RNF152: variants seen among roughly 807,000 people sequenced by gnomAD.
RNF152 encodes the protein ring finger protein 152.
In RNF152, 11 loss-of-function variants were observed where a neutral mutation model predicts 12.7. That is an observed-to-expected ratio of 0.86 (90% CI 0.54 to 1.43). RNF152 has a LOEUF of 1.43. Among genes scored for constraint, RNF152 ranks in the 40% most tolerant of loss-of-function variants. The pLI, the probability that RNF152 is intolerant of heterozygous loss-of-function variation, is 0.00. For missense variants in RNF152, 255 were observed against 274.8 expected (o/e 0.93, Z 0.51); for synonymous variants, 113 against 120.3 (o/e 0.94, Z 0.40).
At chr18:61,820,164 C>A (rs1909319651) in intron 1 of RNF152, among the ~76,000 whole-genome samples, 3 of 149,832 alleles carry the variant, frequency 2.0e-5, no homozygotes, top group South Asian at 2.1e-4. Context: ...CCCGTCTCTA[C>A]TAAAAATACA....
intron 1 of RNF152, among the ~76,000 whole-genome samples, chr18:61,860,372 A>G (rs1266870007): frequency 2.0e-5 from 3 of 152,234 alleles, no homozygotes; most frequent in African/African-American, 7.2e-5. Flanking sequence ...GCAGTCACGC[A>G]CCACATAACG....
intron 1 of RNF152, among the ~76,000 whole-genome samples, chr18:61,847,602 G>A (rs1910792427): frequency 6.6e-6 from 1 of 152,210 alleles, no homozygotes; most frequent in Admixed American, 6.5e-5. Flanking sequence ...ACACACCTCA[G>A]AGAAAGCAAG....
rs1287936871 is a variant in RNF152, at chr18:61,814,529, TCATTACA to T, written c.*1316_*1322del. The stretch of plus-strand genomic sequence containing the variant: ...ATCTTTCTTCATGAGCATCTATAGA[TCATTACA>T]CATTTAAGAACATTTGACAGTTTAT... On this transcript the variant is annotated 3_prime_UTR_variant, in exon 2 of 2. Transcript: ENST00000312828. The T allele has an allele frequency of 3.9e-5, 6 of 152,224 alleles. No individual in the cohort carries two copies. The highest frequency in any genetic ancestry group is 2.0e-4 in the Admixed American group (3 of 15,286). The allele number at this position is 152,224 out of a possible 1,614,324, so 9.4% of individuals were successfully genotyped here.
chr18:61,861,802 G>C (rs540103645), intron 1 of RNF152, among the ~76,000 whole-genome samples: 1 of 152,230 alleles, frequency 6.6e-6, no homozygotes, highest in East Asian at 1.9e-4. Context: ...CAGGCTCTTT[G>C]TAACAACCAG....
intron 1 of RNF152, among the ~76,000 whole-genome samples, chr18:61,842,464 T>A (rs1910496276): frequency 6.6e-6 from 1 of 152,226 alleles, no homozygotes; most frequent in African/African-American, 2.4e-5. Flanking sequence ...CCAAGCGAGT[T>A]GTCACAGGGG....
intron 1 of RNF152, among the ~76,000 whole-genome samples, chr18:61,841,215 T>A (rs1446413346): frequency 2.6e-5 from 4 of 152,210 alleles, no homozygotes; most frequent in African/African-American, 9.7e-5. Context: ...TGATTTCCAG[T>A]TTCCCATTAA....
At chr18:61,890,061 T>C (rs1216927594) in intron 1 of RNF152, among the ~76,000 whole-genome samples, 4 of 152,232 alleles carry the variant, frequency 2.6e-5, no homozygotes, top group Non-Finnish European at 4.4e-5. Flanking sequence ...TATCAACATA[T>C]TAGTAGTACA....
intron 1 of RNF152, among the ~76,000 whole-genome samples, chr18:61,879,448 C>G (rs904488931): frequency 1.3e-5 from 2 of 152,126 alleles, no homozygotes; most frequent in Non-Finnish European, 2.9e-5. Flanking sequence ...TTCCTGGAAT[C>G]AGTGCCCCAT....
At chr18:61,829,597 G>GGAGAGAGAGAGA (rs111850940) in intron 1 of RNF152, among the ~76,000 whole-genome samples, 1 of 142,196 alleles carries the variant, frequency 7.0e-6, no homozygotes, top group Non-Finnish European at 1.5e-5. Flanking sequence ...AGAGAGATAA[G>GGAGAGAGAGAGA]GAGAGAGAGA....
chr18:61,827,892 A>G (rs1305982868), intron 1 of RNF152, among the ~76,000 whole-genome samples: 1 of 152,234 alleles, frequency 6.6e-6, no homozygotes, highest in Non-Finnish European at 1.5e-5. Context: ...AGAAAAAAGT[A>G]CAAACCTTGA....
At chr18:61,873,536 T>G (rs1239820698) in intron 1 of RNF152, among the ~76,000 whole-genome samples, 1 of 152,174 alleles carries the variant, frequency 6.6e-6, no homozygotes. Flanking sequence ...GGTTTCACCA[T>G]GTTGGTCAGG....
At chr18:61,840,357 C>T (rs962435502) in intron 1 of RNF152, among the ~76,000 whole-genome samples, 1 of 152,186 alleles carries the variant, frequency 6.6e-6, no homozygotes, top group South Asian at 2.1e-4. Flanking sequence ...AGTAGGCAAG[C>T]CTCAACATCT....
intron 1 of RNF152, among the ~76,000 whole-genome samples, chr18:61,890,856 C>A (rs1337803427): frequency 6.6e-6 from 1 of 152,148 alleles, no homozygotes; most frequent in Non-Finnish European, 1.5e-5. Flanking sequence ...GCTAAAAAGA[C>A]TACAATGAAA....
At chr18:61,865,600 A>G (rs938752001) in intron 1 of RNF152, among the ~76,000 whole-genome samples, 1 of 152,180 alleles carries the variant, frequency 6.6e-6, no homozygotes, top group African/African-American at 2.4e-5. Context: ...TCCAAGTACT[A>G]GATAATCCCC....
intron 1 of RNF152, among the ~76,000 whole-genome samples, chr18:61,848,001 A>G (rs1910813509): frequency 6.6e-6 from 1 of 152,126 alleles, no homozygotes; most frequent in East Asian, 1.9e-4. Context: ...GATGCAGATC[A>G]TCTTCTAACA....
chr18:61,877,566 A>T (rs550906497), intron 1 of RNF152, among the ~76,000 whole-genome samples: 1 of 152,338 alleles, frequency 6.6e-6, no homozygotes, highest in South Asian at 2.1e-4. Context: ...CTGCCAGTAC[A>T]CTTGAGGTTT....
Position 61,812,131 on chromosome 18 carries a change from T to C in RNF152, c.*3721A>G, listed in dbSNP as rs1599252094. The C allele has an allele frequency of 6.6e-6, 1 of 152,184 alleles. No homozygotes were observed. Among genetic ancestry groups the C allele is most frequent in the Non-Finnish European group, 1.5e-5 (1 of 68,032 alleles). 9.4% of individuals were successfully genotyped at this position (152,184 alleles called of 1,614,324 possible). On this transcript the variant is annotated 3_prime_UTR_variant, in exon 2 of 2. Coordinates refer to ENST00000312828, the MANE Select transcript of RNF152 (RefSeq NM_173557.3). ...CTTGATGCTGGATCCCCAAGCGCTA[T>C]CACCCAGAACTGCATCGTTCAATAT...
chr18:61,853,496 T>C (rs771997808), intron 1 of RNF152, among the ~76,000 whole-genome samples: 1 of 152,124 alleles, frequency 6.6e-6, no homozygotes, highest in Non-Finnish European at 1.5e-5. Flanking sequence ...TTCACCATGT[T>C]GGCCAGACTG....
In RNF152 at chr18:61,814,214, A is replaced by G. The variant is rs1292700281; in HGVS notation, c.*1638T>C. On this transcript the variant is annotated 3_prime_UTR_variant, in exon 2 of 2. Coordinates refer to ENST00000312828, the MANE Select transcript of RNF152 (RefSeq NM_173557.3). ...GCATATTTTGTGCTGCTTGAAGATA[A>G]CAGACAGCATGTAAATAAATTAAAT... is the stretch of plus-strand genomic sequence containing the variant. 1 of 152,238 alleles carries G rather than the reference A, an allele frequency of 6.6e-6. No homozygotes were observed. The highest frequency in any genetic ancestry group is 1.5e-5 in the Non-Finnish European group (1 of 68,040). 9.4% of individuals were successfully genotyped at this position (152,238 alleles called of 1,614,324 possible).
Sources: allele counts gnomAD v4.1 joint callset (sites outside exome capture counted in the v4.1 genomes callset), GRCh38; gene constraint gnomAD v4.1.1; transcripts MANE v1.5; gene names NCBI Gene and HGNC (gene_info 2026-07-23, HGNC 2026-07-21).